JAZF1: variants seen among roughly 807,000 people sequenced by gnomAD.
The protein encoded by JAZF1 is juxtaposed with another zinc finger protein 1.
In JAZF1, 8 loss-of-function variants were observed where a neutral mutation model predicts 26.4. That is an observed-to-expected ratio of 0.30 (90% CI 0.18 to 0.55). The LOEUF is 0.55. JAZF1 is among the 20% of genes least tolerant of loss of function. The pLI, the probability that JAZF1 is intolerant of heterozygous loss-of-function variation, is 0.94. For synonymous variants in JAZF1, 126 were observed against 122.3 expected (o/e 1.03, Z -0.20); for missense variants, 199 against 322.0 (o/e 0.62, Z 2.92).
At chr7:27,918,950 A>G (rs558586575) in intron 2 of JAZF1, among the ~76,000 whole-genome samples, 1 of 152,350 alleles carries the variant, frequency 6.6e-6, no homozygotes, top group Admixed American at 6.5e-5. Flanking sequence ...ATTAACACCA[A>G]TAACCTAAAC....
intron 3 of JAZF1, among the ~76,000 whole-genome samples, chr7:27,880,875 C>A (rs566773782): frequency 6.6e-6 from 1 of 152,262 alleles, no homozygotes; most frequent in East Asian, 1.9e-4. Flanking sequence ...CCTGTGTTAC[C>A]GTGGCTGGTC....
At chr7:27,888,696 G>T in intron 3 of JAZF1, among the ~76,000 whole-genome samples, 1 of 152,004 alleles carries the variant, frequency 6.6e-6, no homozygotes, top group African/African-American at 2.4e-5. Context: ...TTCTTAAAAG[G>T]CCATACCAAG....
chr7:28,005,414 T>A lies in JAZF1; in HGVS notation c.116-13433A>T, dbSNP rs558846170. Among the ~76,000 whole-genome samples the A allele has an allele frequency of 1.3e-4, 18 of 137,988 alleles. No homozygotes were observed. The South Asian group carries it at 2.8e-3, about 21-fold the overall frequency. The allele number at this position is 137,988 out of a possible 152,430, so 90.5% of individuals were successfully genotyped here. ...CTCCCAGGGAAGCCGAATCATTGCT[T>A]AAAAAAAAAAAAAAAAGTCACAGGA... On this transcript the variant is annotated intron_variant, in intron 1 of 4. Coordinates refer to ENST00000283928, the MANE Select transcript of JAZF1 (RefSeq NM_175061.4).
intron 1 of JAZF1, among the ~76,000 whole-genome samples, chr7:28,099,572 G>A (rs1366448736): frequency 6.6e-6 from 1 of 152,068 alleles, no homozygotes; most frequent in East Asian, 1.9e-4. Flanking sequence ...CACCTCCCAG[G>A]TTCAAGCATT....
At chr7:28,030,497 G>A (rs374458270) in intron 1 of JAZF1, among the ~76,000 whole-genome samples, 41 of 152,280 alleles carry the variant, frequency 2.7e-4, no homozygotes, top group East Asian at 2.5e-3. Flanking sequence ...TGGTAAATGT[G>A]ACTTGTTATG....
chr7:27,856,584 T>C (rs1329035962), intron 3 of JAZF1, among the ~76,000 whole-genome samples: 2 of 152,244 alleles, frequency 1.3e-5, no homozygotes, highest in Non-Finnish European at 2.9e-5. Flanking sequence ...TGGTCCATTT[T>C]GACAGGGTGC....
intron 3 of JAZF1, chr7:27,841,870 CA>C (rs1782931162): frequency 6.6e-6 from 1 of 152,132 alleles, no homozygotes; most frequent in African/African-American, 2.4e-5. Context: ...AGTCCTAATG[CA>C]TTTACAAGCC....
chr7:28,069,442 C>T (rs950057233), intron 1 of JAZF1, among the ~76,000 whole-genome samples: 9 of 152,334 alleles, frequency 5.9e-5, no homozygotes, highest in African/African-American at 2.2e-4. Context: ...TAAAGATAGT[C>T]TTAAGGACAA....
At chr7:28,099,218 A>G (rs1209770588) in intron 1 of JAZF1, among the ~76,000 whole-genome samples, 1 of 152,226 alleles carries the variant, frequency 6.6e-6, no homozygotes, top group Non-Finnish European at 1.5e-5. Flanking sequence ...TTATGATGAC[A>G]GTCGGCCACA....
intron 2 of JAZF1, among the ~76,000 whole-genome samples, chr7:27,952,398 T>C (rs1301223753): frequency 6.6e-6 from 1 of 152,248 alleles, no homozygotes; most frequent in Non-Finnish European, 1.5e-5. Context: ...GCTTCATCTG[T>C]GTCACCAATG....
chr7:27,966,422 C>T (rs78992922), intron 2 of JAZF1, among the ~76,000 whole-genome samples: 11,346 of 152,118 alleles, frequency 0.075, 516 homozygotes, highest in African/African-American at 0.14. Flanking sequence ...GGTTTGGCAA[C>T]GGATGGAGGT....
intron 1 of JAZF1, among the ~76,000 whole-genome samples, chr7:28,097,293 C>CT (rs900626961): frequency 1.1e-4 from 17 of 151,684 alleles, no homozygotes; most frequent in East Asian, 3.9e-4. Context: ...TAAGTACAGA[C>CT]TTTTTTTTTA....
chr7:28,128,488 C>G (rs527844237), intron 1 of JAZF1, among the ~76,000 whole-genome samples: 2 of 152,224 alleles, frequency 1.3e-5, no homozygotes, highest in Admixed American at 1.3e-4. Context: ...TGCCACTGCA[C>G]TCCAGCCTGG....
chr7:28,100,412 CAT>C lies in JAZF1; in HGVS notation c.115+80049_115+80050del, dbSNP rs953876835. On this transcript the variant is annotated intron_variant, in intron 1 of 4. Coordinates refer to ENST00000283928, the MANE Select transcript of JAZF1 (RefSeq NM_175061.4). ...CAAACTACTGATTGTTCAGGTAGAGCATATATATATACATATATATATAATAA... is the reference window on the plus strand; with the variant it reads ...CAAACTACTGATTGTTCAGGTAGAGCATATATATACATATATATATAATAA... 2.1e-3 allele frequency among the ~76,000 whole-genome samples: 313 copies of C among 151,612 alleles called. 1 individual carries two copies. The highest frequency in any genetic ancestry group is 7.3e-3 in the African/African-American group (303 of 41,384).
chr7:27,894,751 T>TA (rs1784030529), intron 3 of JAZF1, among the ~76,000 whole-genome samples: 2 of 152,124 alleles, frequency 1.3e-5, no homozygotes, highest in Non-Finnish European at 2.9e-5. Context: ...GGACTCCCCC[T>TA]TCTTCTCAAG....
intron 1 of JAZF1, among the ~76,000 whole-genome samples, chr7:27,992,918 T>A (rs2128365655): frequency 6.6e-6 from 1 of 152,290 alleles, no homozygotes; most frequent in South Asian, 2.1e-4. Context: ...TCCAGCACCT[T>A]TGCACAGGAA....
intron 2 of JAZF1, among the ~76,000 whole-genome samples, chr7:27,926,553 A>G (rs749530476): frequency 1.8e-4 from 28 of 152,262 alleles, no homozygotes; most frequent in Admixed American, 1.0e-3. Flanking sequence ...TCACCATATC[A>G]GCACTCTAGC....
Position 27,991,942 on chromosome 7 carries a change from T to G in JAZF1, c.155A>C (p.Gln52Pro). The G allele has an allele frequency of 3.7e-6, 6 of 1,607,390 alleles. No individual in the cohort carries two copies. The highest frequency in any genetic ancestry group is 5.1e-6 in the Non-Finnish European group (6 of 1,174,842). Residue 52 changes from glutamine to proline, a missense_variant, in exon 2 of 5, where the codon CAG (glutamine) becomes CCG (proline). By Grantham distance (76) the Gln-to-Pro change is moderately conservative. This residue lies in a region of JAZF1 where 137 missense variants were observed against 184.8 expected (regional missense o/e 0.74). Transcript: ENST00000283928. ...PRVLEKQELQ[Q>P]PTYVALSYIN... Reference sequence around the variant, plus strand: ...GTAACTCAGGGCAACATAGGTTGGCTGCTGTAATTCTTGTTTTTCTAAAAC... The same window carrying G: ...GTAACTCAGGGCAACATAGGTTGGCGGCTGTAATTCTTGTTTTTCTAAAAC...
intron 1 of JAZF1, among the ~76,000 whole-genome samples, chr7:28,027,843 AG>A (rs1422496156): frequency 6.6e-6 from 1 of 152,234 alleles, no homozygotes; most frequent in Non-Finnish European, 1.5e-5. Context: ...GCTGGGATTC[AG>A]CCCCGATGCC....
Sources: gnomAD v4.1 joint callset for allele counts (sites outside exome capture counted in the v4.1 genomes callset) on GRCh38, gnomAD v4.1.1 for gene constraint, gnomAD v4.1.1 regional missense constraint, MANE v1.5 for transcripts, NCBI Gene and HGNC (gene_info 2026-07-23, HGNC 2026-07-21) for gene names.